The following PARD3B variants were observed in gnomAD, a reference collection of about 807,000 sequenced individuals.
The protein encoded by PARD3B is par-3 family cell polarity regulator beta.
A neutral mutation model predicts 130.2 loss-of-function variants in PARD3B; 103 were observed. That is an observed-to-expected ratio of 0.79 (90% confidence interval 0.67 to 0.93). The LOEUF (loss-of-function observed/expected upper bound fraction) is 0.93, where lower values mean the gene tolerates loss of function less well. PARD3B is among the 40% of genes least tolerant of loss of function. The pLI, the probability that PARD3B is intolerant of heterozygous loss-of-function variation, is 0.00. For missense variants in PARD3B, 1,609 were observed against 1,499.2 expected (o/e 1.07, Z -1.21); for synonymous variants, 583 against 553.2 (o/e 1.05, Z -0.76).
Position 205,258,362 on chromosome 2 carries a change from G to C in PARD3B, c.2185+12540G>C, listed in dbSNP as rs974774882. ...GAGTGATCTTCCACTCTATACGGCTGATTCACTCTGATTCAATTCTCAGGT... is the reference window on the plus strand; with the variant it reads ...GAGTGATCTTCCACTCTATACGGCTCATTCACTCTGATTCAATTCTCAGGT... On this transcript the variant is annotated intron_variant, in intron 16 of 22. Transcript: ENST00000406610. This position sits in a 1 kb window ranked among gnomAD's most constrained non-coding sequence, Gnocchi z 4.9. 6.6e-6 allele frequency among the ~76,000 whole-genome samples: 1 copy of C among 152,154 alleles called. No homozygotes were observed. The highest frequency in any genetic ancestry group is 2.4e-5 in the African/African-American group (1 of 41,446).
chr2:205,054,446 T>A (rs1479389885), intron 4 of PARD3B, among the ~76,000 whole-genome samples: 671 of 71,208 alleles, frequency 9.4e-3, no homozygotes, highest in Non-Finnish European at 0.015. Context: ...ATTTTTTTTT[T>A]TTTTTTTTTT....
Position 205,301,875 on chromosome 2 carries a change from G to A in PARD3B, c.2630+174G>A. ...TGCAGAGGCAGAGGAGCTTTTTGGGGAAAGTTACAGTGATGACAGGACACT... is the reference window on the plus strand; with the variant it reads ...TGCAGAGGCAGAGGAGCTTTTTGGGAAAAGTTACAGTGATGACAGGACACT... On this transcript the variant is annotated intron_variant, in intron 18 of 22. Coordinates refer to ENST00000406610, the MANE Select transcript of PARD3B (RefSeq NM_001302769.2). The surrounding 1 kb of genome is among the most constrained non-coding windows in gnomAD (Gnocchi z 5.2). 1 of 993,056 alleles carries A rather than the reference G, an allele frequency of 1.0e-6. No individual in the cohort carries two copies. The highest frequency in any genetic ancestry group is 1.6e-6 in the Non-Finnish European group (1 of 622,690). The allele number at this position is 993,056 out of a possible 1,614,324, so 61.5% of individuals were successfully genotyped here.
At chr2:205,439,608 A>G (rs561376579) in intron 19 of PARD3B, among the ~76,000 whole-genome samples, 280 of 152,338 alleles carry the variant, frequency 1.8e-3, no homozygotes, top group African/African-American at 6.3e-3. Context: ...AGTAGACTGC[A>G]CAGTGGCACT....
At chr2:204,956,912 C>T (rs887661036) in intron 2 of PARD3B, among the ~76,000 whole-genome samples, 1 of 152,156 alleles carries the variant, frequency 6.6e-6, no homozygotes, top group Non-Finnish European at 1.5e-5. Flanking sequence ...CATAGTTAAT[C>T]CCTAGATATC....
rs2031273834 is a variant in PARD3B, at chr2:205,125,538, A to C, written c.1306-71A>C. 1 of 1,525,078 alleles carries C rather than the reference A, an allele frequency of 6.6e-7. No homozygotes were observed. The highest frequency in any genetic ancestry group is 2.3e-5 in the East Asian group (1 of 43,476). 94.5% of individuals were successfully genotyped at this position (1,525,078 alleles called of 1,614,324 possible). A position where few individuals can be genotyped will look rare whatever the true frequency, so the allele number is the denominator to read the frequency against. ...GGGAGCCCATTTGCTTCTTGTTTTC[A>C]AAAACTATCTAGTGTAGAAGGAGAT... On this transcript the variant is annotated intron_variant, in intron 9 of 22. Coordinates refer to ENST00000406610, the MANE Select transcript of PARD3B (RefSeq NM_001302769.2). The surrounding 1 kb of genome is among the most constrained non-coding windows in gnomAD (Gnocchi z 4.0).
In PARD3B at chr2:205,274,245, G is replaced by T. The variant is rs1458918660; in HGVS notation, c.2186-26285G>T. Reference sequence around the variant, plus strand: ...TATTCTTTCTACTCTTTATTTCTTTGTGTGAATAGGCAACATGTTTACCTC... The same window carrying T: ...TATTCTTTCTACTCTTTATTTCTTTTTGTGAATAGGCAACATGTTTACCTC... On this transcript the variant is annotated intron_variant, in intron 16 of 22. Coordinates refer to ENST00000406610, the MANE Select transcript of PARD3B (RefSeq NM_001302769.2). This position sits in a 1 kb window ranked among gnomAD's most constrained non-coding sequence, Gnocchi z 4.2. 6.6e-6 allele frequency among the ~76,000 whole-genome samples: 1 copy of T among 151,072 alleles called. No individual in the cohort carries two copies. The highest frequency in any genetic ancestry group is 1.5e-5 in the Non-Finnish European group (1 of 67,780).
chr2:204,561,252 G>A (rs1293289518), intron 1 of PARD3B, among the ~76,000 whole-genome samples: 1 of 152,216 alleles, frequency 6.6e-6, no homozygotes, highest in Admixed American at 6.5e-5. Context: ...GAGGGCAGGT[G>A]TGGGAACAAC....
chr2:205,438,353 A>C (rs907004595), intron 19 of PARD3B, among the ~76,000 whole-genome samples: 6 of 152,190 alleles, frequency 3.9e-5, no homozygotes, highest in African/African-American at 1.4e-4. Flanking sequence ...TTTAAAAATC[A>C]AGCTTAGTAT....
Position 204,890,866 on chromosome 2 carries a change from G to T in PARD3B, c.223-74286G>T, listed in dbSNP as rs2046420498. On this transcript the variant is annotated intron_variant, in intron 2 of 22. Coordinates refer to ENST00000406610, the MANE Select transcript of PARD3B (RefSeq NM_001302769.2). The surrounding 1 kb of genome is among the most constrained non-coding windows in gnomAD (Gnocchi z 4.9). ...GGAGGGTATTGTTTTGGATGCGGAT[G>T]TTGTTTAGGATTTAAAACAACTGTG... 6.6e-6 allele frequency among the ~76,000 whole-genome samples: 1 copy of T among 152,174 alleles called. No individual in the cohort carries two copies. The highest frequency in any genetic ancestry group is 1.5e-5 in the Non-Finnish European group (1 of 68,028).
chr2:205,413,123 A>T (rs560059714), intron 19 of PARD3B, among the ~76,000 whole-genome samples: 1 of 152,166 alleles, frequency 6.6e-6, no homozygotes, highest in African/African-American at 2.4e-5. Flanking sequence ...GTGATGGTGC[A>T]TGTTCTGAGA....
intron 18 of PARD3B, among the ~76,000 whole-genome samples, chr2:205,386,523 C>G (rs997443279): frequency 6.6e-6 from 1 of 152,068 alleles, no homozygotes; most frequent in African/African-American, 2.4e-5. Flanking sequence ...GAAAGTTATC[C>G]AGTCTGCAGG....
At chr2:205,042,280 C>A (rs1698445288) in intron 3 of PARD3B, among the ~76,000 whole-genome samples, 1 of 152,164 alleles carries the variant, frequency 6.6e-6, no homozygotes, top group African/African-American at 2.4e-5. Flanking sequence ...GATGCACCAT[C>A]ATTCATAGAC....
At position 205,229,090 on chromosome 2, in the gene PARD3B, C is replaced by G. The variant is rs573258529; in HGVS notation, c.2141-16688C>G. On this transcript the variant is annotated intron_variant, in intron 15 of 22. Transcript: ENST00000406610. This position sits in a 1 kb window ranked among gnomAD's most constrained non-coding sequence, Gnocchi z 5.2. The stretch of plus-strand genomic sequence containing the variant: ...TCTGAAAGGTCACTTATGTCTGTCT[C>G]TCTGGGTTTGGGTCACTTGTGCCTT... Among the ~76,000 whole-genome samples the G allele has an allele frequency of 6.6e-6, 1 of 152,342 alleles. No homozygotes were observed. The highest frequency in any genetic ancestry group is 1.5e-5 in the Non-Finnish European group (1 of 68,042).
intron 2 of PARD3B, among the ~76,000 whole-genome samples, chr2:204,863,894 T>A (rs1292901843): frequency 6.6e-6 from 1 of 152,248 alleles, no homozygotes; most frequent in Non-Finnish European, 1.5e-5. Context: ...AAGGTACAGT[T>A]GAATTTTATG....
intron 15 of PARD3B, among the ~76,000 whole-genome samples, chr2:205,197,028 G>T (rs113057927): frequency 4.8e-3 from 45 of 9,468 alleles, no homozygotes; most frequent in African/African-American, 0.019. Flanking sequence ...CACTGTGGGG[G>T]GGGGGTGTGT....
rs554260282 is a variant in PARD3B, at chr2:205,358,017, A to G, written c.2631-42996A>G. ...GAGATTCTGACATTCCTCACCTCAT[A>G]TGGTGAATCTTTCAAAGATGAGAAG... On this transcript the variant is annotated intron_variant, in intron 18 of 22. Coordinates refer to ENST00000406610, the MANE Select transcript of PARD3B (RefSeq NM_001302769.2). 1.3e-4 allele frequency among the ~76,000 whole-genome samples: 20 copies of G among 152,282 alleles called. No individual in the cohort carries two copies. In the East Asian group the frequency reaches 3.1e-3, roughly 24 times the overall value.
chr2:204,546,866 G>A (rs115267694), intron 1 of PARD3B, among the ~76,000 whole-genome samples: 2,863 of 152,232 alleles, frequency 0.019, 63 homozygotes, highest in Non-Finnish European at 0.025. Flanking sequence ...TTTTAAGTGT[G>A]CAATACATGT....
At chr2:205,190,133 A>G (rs976265311) in intron 14 of PARD3B, among the ~76,000 whole-genome samples, 1 of 152,196 alleles carries the variant, frequency 6.6e-6, no homozygotes. Context: ...ATGTTACTGC[A>G]TCGAGTGTCA....
At chr2:204,902,445 G>A (rs1186638048) in intron 2 of PARD3B, among the ~76,000 whole-genome samples, 2 of 152,022 alleles carry the variant, frequency 1.3e-5, no homozygotes, top group African/African-American at 4.8e-5. Context: ...CGAAGCGGGC[G>A]GATCACGAGG....
Sources: allele counts gnomAD v4.1 joint callset (sites outside exome capture counted in the v4.1 genomes callset), GRCh38; gene constraint gnomAD v4.1.1; non-coding constraint Gnocchi (gnomAD v3.1); transcripts MANE v1.5; gene names NCBI Gene and HGNC (gene_info 2026-07-23, HGNC 2026-07-21).